GYG2: variants seen among roughly 807,000 people sequenced by gnomAD.
GYG2 encodes the protein glycogenin 2.
A neutral mutation model predicts 29.4 loss-of-function variants in GYG2; 29 were observed. That is an observed-to-expected ratio of 0.99 (90% CI 0.74 to 1.35). The LOEUF (loss-of-function observed/expected upper bound fraction) is 1.35. Ranked by LOEUF, GYG2 falls within the 40% of genes most tolerant of loss-of-function variation. GYG2 has a pLI of 0.00. For missense variants in GYG2, 370 were observed against 385.7 expected, an observed-to-expected ratio of 0.96 and a Z score of 0.34; for synonymous variants, 167 against 172.3, an observed-to-expected ratio of 0.97 and a Z score of 0.24.
intron 7 of GYG2, among the ~76,000 whole-genome samples, chrX:2,860,391 A>C (rs1347542116): frequency 9.0e-6 from 1 of 111,041 alleles, no homozygotes; most frequent in Non-Finnish European, 1.9e-5. Flanking sequence ...TCGGGTCAAC[A>C]CTTTCCACTT....
intron 6 of GYG2, among the ~76,000 whole-genome samples, chrX:2,857,570 GTATCTA>G (rs1168626347): frequency 6.8e-4 from 75 of 110,090 alleles, no homozygotes; most frequent in African/African-American, 2.4e-3. Context: ...ATAGATCTAT[GTATCTA>G]GATCTAGATC....
At chrX:2,860,887 G>A (rs2088147293) in intron 7 of GYG2, among the ~76,000 whole-genome samples, 3 of 110,334 alleles carry the variant, frequency 2.7e-5, no homozygotes, top group Admixed American at 9.7e-5. Context: ...CTACCACCAC[G>A]CCCAGCTAAT....
chrX:2,872,772 A>T (rs938439984), intron 8 of GYG2, among the ~76,000 whole-genome samples: 3 of 111,548 alleles, frequency 2.7e-5, no homozygotes, highest in African/African-American at 9.8e-5. Context: ...TGGCTGCTTC[A>T]TTTATCCATC....
chrX:2,845,052 T>C lies in GYG2; in HGVS notation c.149+1698T>C, dbSNP rs755203327. On this transcript the variant is annotated intron_variant, in intron 3 of 10. Transcript: ENST00000398806. Reference sequence around the variant, plus strand: ...ATTTATATACACATGTGTATGTATATATACACGTGTGTATGTATATTTATA... The same window carrying C: ...ATTTATATACACATGTGTATGTATACATACACGTGTGTATGTATATTTATA... 1.5e-3 allele frequency among the ~76,000 whole-genome samples: 111 copies of C among 71,839 alleles called. 5 individuals are homozygous for C. Among genetic ancestry groups the C allele is most frequent in the African/African-American group, 5.9e-3 (105 of 17,889 alleles). The allele number at this position is 71,839 out of a possible 115,157, so 62.4% of individuals were successfully genotyped here.
chrX:2,846,056 T>TACACACACACATATATATACACATCTATA (rs1491432509), intron 3 of GYG2, among the ~76,000 whole-genome samples: 1 of 9,744 alleles, frequency 1.0e-4, no homozygotes, highest in Admixed American at 2.0e-3. Context: ...TATATATATA[T>TACACACACACATATATATACACATCTATA]TTTTTTTTTT....
At chrX:2,833,525 CTTAG>C (rs1377683065) in intron 2 of GYG2, among the ~76,000 whole-genome samples, 1 of 111,790 alleles carries the variant, frequency 8.9e-6, no homozygotes, top group African/African-American at 3.3e-5. Context: ...TGCCATTTCT[CTTAG>C]TTGTCACTGA....
chrX:2,847,527 A>G (rs769847525), intron 3 of GYG2, among the ~76,000 whole-genome samples: 7 of 63,448 alleles, frequency 1.1e-4, no homozygotes, highest in African/African-American at 3.8e-4. Flanking sequence ...GTCTCTACTA[A>G]AAGTACAAAA....
At chrX:2,875,984 T>A in intron 9 of GYG2, 70 bp downstream of exon 9, 1 of 537,898 alleles carries the variant, frequency 1.9e-6, no homozygotes. Flanking sequence ...ACAGGGTCTA[T>A]CCCCATTACA....
rs776011463 is a variant in GYG2 at position 2,877,212 on chromosome X, A to G, written c.1156A>G (p.Lys386Glu). Residue 386 changes from lysine to glutamate, a missense_variant, in exon 10 of 11, where the codon AAA becomes GAA. Lys to Glu is a moderately conservative substitution (Grantham distance 56). Coordinates refer to ENST00000398806, the MANE Select transcript of GYG2 (RefSeq NM_001079855.2). ...GGTTATGTTTTAGCAGCCAGCAAAT[A>G]AAGTCGAAAGTGTCTCATCCGAGGA... ...ETETILQPAN[K>E]VESVSSEETF... The G allele has an allele frequency of 8.3e-7, 1 of 1,206,842 alleles. No homozygotes were observed. Among genetic ancestry groups the G allele is most frequent in the Non-Finnish European group, 1.1e-6 (1 of 891,510 alleles).
rs752707799 is a variant in GYG2 at position 2,856,540 on chromosome X, C to T, written c.530C>T (p.Ser177Leu). 4.2e-6 allele frequency: 5 copies of T among 1,203,130 alleles called. No individual in the cohort carries two copies. The highest frequency in any genetic ancestry group is 3.5e-5 in the African/African-American group (2 of 57,385). ...CTGAATAGTTTCTTCAGGAACTGGT[C>T]GACCACAGACATCCACAAGCACCTG... is the stretch of plus-strand genomic sequence containing the variant. ...GLLNSFFRNW[S>L]TTDIHKHLPF... Residue 177 changes from serine (S) to leucine (L), a missense_variant, in exon 6 of 11, where the codon TCG (serine) becomes TTG (leucine). Coordinates refer to ENST00000398806, the MANE Select transcript of GYG2 (RefSeq NM_001079855.2).
intron 8 of GYG2, among the ~76,000 whole-genome samples, chrX:2,868,553 A>G (rs147024872): frequency 1.6e-3 from 181 of 109,985 alleles, no homozygotes; most frequent in African/African-American, 5.7e-3. Flanking sequence ...TCTCCATCCT[A>G]AGGTCGGTGA....
chrX:2,880,512 A>T (rs1235438089), intron 10 of GYG2, among the ~76,000 whole-genome samples: 3 of 111,456 alleles, frequency 2.7e-5, no homozygotes, highest in Non-Finnish European at 3.8e-5. Context: ...TCTTCAGAAA[A>T]AGAGAACATA....
At position 2,881,064 on chromosome X, in the gene GYG2, G is replaced by A. The variant is rs1339560219; in HGVS notation, c.1264G>A (p.Val422Ile). The change falls in exon 11 of 11, where the codon GTC (valine) becomes ATC (isoleucine). Residue 422 changes from valine to isoleucine, a missense_variant. By Grantham distance (29) the Val-to-Ile change is conservative. Transcript: ENST00000398806. ...CTGTCTTCCCTAGGTCGACCTGGCCGTCTCTGTTTCCCAGATCTCCATCGA... is the reference window on the plus strand; with the variant it reads ...CTGTCTTCCCTAGGTCGACCTGGCCATCTCTGTTTCCCAGATCTCCATCGA... ...LQDALEVDLA[V>I]SVSQISIEEK... The A allele has an allele frequency of 1.7e-6, 2 of 1,209,879 alleles. No individual in the cohort carries two copies. The highest frequency in any genetic ancestry group is 3.5e-5 in the South Asian group (2 of 56,536).
chrX:2,856,756 C>CTATCTATG (rs1466064363), intron 6 of GYG2, 132 bp downstream of exon 6: 106 of 360,723 alleles, frequency 2.9e-4, no homozygotes, highest in African/African-American at 7.1e-4. Context: ...ATCTATGTAT[C>CTATCTATG]TATCTATCTA....
intron 10 of GYG2, among the ~76,000 whole-genome samples, chrX:2,879,820 G>T (rs1262121180): frequency 1.8e-5 from 2 of 111,409 alleles, no homozygotes; most frequent in African/African-American, 6.5e-5. Context: ...AAGTAGATAG[G>T]TAGGTAGAGA....
chrX:2,870,423 G>A (rs779111692), intron 8 of GYG2, among the ~76,000 whole-genome samples: 7 of 110,435 alleles, frequency 6.3e-5, no homozygotes, highest in Admixed American at 9.7e-5. Context: ...GGCTGGTCTC[G>A]AACTCCTGAC....
At position 2,856,526 on chromosome X, in the gene GYG2, C is replaced by T. The variant is rs754840945; in HGVS notation, c.516C>T (p.Phe172=). The T allele has an allele frequency of 8.3e-7, 1 of 1,207,583 alleles. No individual in the cohort carries two copies. The highest frequency in any genetic ancestry group is 3.0e-5 in the East Asian group (1 of 33,769). The change falls in exon 6 of 11, where the codon TTC becomes TTT. Residue 172 remains phenylalanine (F), a synonymous_variant. Transcript: ENST00000398806. The part of the protein sequence containing the change: ...DGADQGLLNS[F]FRNWSTTDIH... ...CAGACCAAGGCTTACTGAATAGTTT[C>T]TTCAGGAACTGGTCGACCACAGACA...
intron 8 of GYG2, among the ~76,000 whole-genome samples, chrX:2,873,589 A>G (rs1198681559): frequency 9.0e-6 from 1 of 110,945 alleles, no homozygotes; most frequent in Non-Finnish European, 1.9e-5. Context: ...AGAACACATA[A>G]GATCTACTCT....
At chrX:2,871,821 A>G (rs1361769609) in intron 8 of GYG2, among the ~76,000 whole-genome samples, 1 of 112,392 alleles carries the variant, frequency 8.9e-6, no homozygotes, top group Non-Finnish European at 1.9e-5. Flanking sequence ...CATTTGCTGA[A>G]AGTGGAAAAA....
Sources: allele counts gnomAD v4.1 joint callset (sites outside exome capture counted in the v4.1 genomes callset), GRCh38; gene constraint gnomAD v4.1.1; transcripts MANE v1.5; gene names NCBI Gene and HGNC (gene_info 2026-07-23, HGNC 2026-07-21).